CUL5: variants seen among roughly 807,000 people sequenced by gnomAD.
CUL5 encodes cullin-5.
CUL5 carries 26 observed loss-of-function variants against 108.8 expected under a neutral mutation model. That is an observed-to-expected ratio of 0.24 (90% confidence interval 0.18 to 0.33). The LOEUF (loss-of-function observed/expected upper bound fraction) is 0.33, where lower values mean the gene tolerates loss of function less well. CUL5 is among the 10% of genes least tolerant of loss of function. The probability of loss-of-function intolerance (pLI) is 1.00; values close to 1 mark genes in which losing one functional copy is unlikely to be tolerated. For missense variants in CUL5, 524 were observed against 909.2 expected, an observed-to-expected ratio of 0.58 and a Z score of 5.45; for synonymous variants, 334 against 298.0, an observed-to-expected ratio of 1.12 and a Z score of -1.25.
intron 7 of CUL5, among the ~76,000 whole-genome samples, chr11:108,061,700 G>T (rs1416487872): frequency 6.6e-6 from 1 of 151,742 alleles, no homozygotes; most frequent in African/African-American, 2.4e-5. Flanking sequence ...AATTTATGAT[G>T]TTGCTCATTT....
At chr11:108,068,364 A>G (rs1411283019) in intron 7 of CUL5, among the ~76,000 whole-genome samples, 1 of 151,736 alleles carries the variant, frequency 6.6e-6, no homozygotes, top group Non-Finnish European at 1.5e-5. Context: ...TGTCGCCCAG[A>G]CTACACTGCA....
At position 108,094,339 on chromosome 11, in the gene CUL5, TATATC is replaced by T. The variant is rs973503042; in HGVS notation, c.1444-50_1444-46del. The T allele has an allele frequency of 3.7e-6, 5 of 1,342,096 alleles. No individual in the cohort carries two copies. The South Asian group carries it at 7.2e-5, about 19-fold the overall frequency. 83.1% of individuals were successfully genotyped at this position (1,342,096 alleles called of 1,614,324 possible). A position where few individuals can be genotyped will look rare whatever the true frequency, so the allele number is the denominator to read the frequency against. On this transcript the variant is annotated intron_variant, in intron 13 of 18. Transcript: ENST00000393094. ...TTTCTATTAAAATTTTTCCCAGTAA[TATATC>T]AGATTATGTATTTATTACCTCTTCC...
intron 7 of CUL5, among the ~76,000 whole-genome samples, chr11:108,059,661 G>T (rs1207477763): frequency 1.3e-5 from 2 of 152,080 alleles, no homozygotes; most frequent in African/African-American, 4.8e-5. Flanking sequence ...GGTGGATCAT[G>T]AGGTCAGGAG....
chr11:108,096,720 C>A (rs1167494140), intron 16 of CUL5, among the ~76,000 whole-genome samples: 1 of 151,740 alleles, frequency 6.6e-6, no homozygotes, highest in Non-Finnish European at 1.5e-5. Context: ...GCATGTGCCA[C>A]CACACTCAGC....
chr11:108,079,347 C>T (rs186233598), intron 11 of CUL5, among the ~76,000 whole-genome samples: 2,354 of 152,230 alleles, frequency 0.015, 58 homozygotes, highest in African/African-American at 0.054. Flanking sequence ...CTCAAGTGAT[C>T]CGCCCACCTC....
intron 18 of CUL5, among the ~76,000 whole-genome samples, chr11:108,101,310 CAG>C (rs1476187823): frequency 6.6e-6 from 1 of 152,212 alleles, no homozygotes; most frequent in African/African-American, 2.4e-5. Flanking sequence ...GCAGTTATGA[CAG>C]TGTCCTGGAT....
chr11:108,044,190 G>C (rs116018089), intron 2 of CUL5, among the ~76,000 whole-genome samples: 2,383 of 152,160 alleles, frequency 0.016, 60 homozygotes, highest in African/African-American at 0.055. Context: ...TTAATATGGA[G>C]ACAAAACTTT....
At chr11:108,079,356 T>G (rs890460410) in intron 11 of CUL5, among the ~76,000 whole-genome samples, 13 of 152,212 alleles carry the variant, frequency 8.5e-5, no homozygotes, top group African/African-American at 3.1e-4. Flanking sequence ...TCCGCCCACC[T>G]CAGCCTCCCA....
chr11:108,052,806 G>A lies in CUL5; in HGVS notation c.553+5G>A, dbSNP rs1344939508. 9 of 1,598,852 alleles carry A rather than the reference G, an allele frequency of 5.6e-6. No individual in the cohort carries two copies. Among genetic ancestry groups the A allele is most frequent in the Non-Finnish European group, 7.7e-6 (9 of 1,173,940 alleles). ...TTGGAGTAAGAGAATCCTATGGTAT[G>A]TTCTGAACTTTTATGATCATAATTT... On this transcript the variant is annotated splice_donor_5th_base_variant and intron_variant, in intron 5 of 18. Transcript: ENST00000393094.
intron 2 of CUL5, among the ~76,000 whole-genome samples, chr11:108,040,239 G>A (rs999899746): frequency 6.6e-6 from 1 of 152,184 alleles, no homozygotes; most frequent in African/African-American, 2.4e-5. Flanking sequence ...CAACACTTTG[G>A]GAGGCCGAGG....
At chr11:108,092,029 C>G (rs956734101) in intron 13 of CUL5, among the ~76,000 whole-genome samples, 2 of 152,170 alleles carry the variant, frequency 1.3e-5, no homozygotes, top group East Asian at 1.9e-4. Flanking sequence ...TCTAGCTACT[C>G]AGGAGGCTGA....
chr11:108,078,151 T>A (rs753709657), intron 10 of CUL5, 25 bp from the exon 11 acceptor site: 2 of 1,343,570 alleles, frequency 1.5e-6, no homozygotes, highest in East Asian at 4.8e-5. Flanking sequence ...ATTAAAAATA[T>A]TTTATTCCAA....
chr11:108,012,497 A>G (rs1591267805), intron 1 of CUL5, among the ~76,000 whole-genome samples: 1 of 137,126 alleles, frequency 7.3e-6, no homozygotes, highest in Admixed American at 7.4e-5. Flanking sequence ...TCTTCCCCCC[A>G]GGACTTGGTG....
intron 11 of CUL5, among the ~76,000 whole-genome samples, chr11:108,088,047 G>GAT (rs1477143220): frequency 1.4e-5 from 2 of 147,656 alleles, no homozygotes; most frequent in African/African-American, 2.5e-5. Context: ...TTCATTTATA[G>GAT]TTTTTTTTTT....
At chr11:108,071,316 G>A (rs1863814009) in intron 8 of CUL5, among the ~76,000 whole-genome samples, 1 of 151,924 alleles carries the variant, frequency 6.6e-6, no homozygotes, top group African/African-American at 2.4e-5. Flanking sequence ...CCTGGAATTC[G>A]ATGGCACGAT....
chr11:108,018,442 G>A (rs1431869784), intron 1 of CUL5, among the ~76,000 whole-genome samples: 3 of 152,034 alleles, frequency 2.0e-5, no homozygotes, highest in African/African-American at 2.4e-5. Flanking sequence ...TGAGGCAGGC[G>A]GATCATGTGA....
chr11:108,026,553 C>T (rs900567899), intron 1 of CUL5, among the ~76,000 whole-genome samples: 1 of 152,138 alleles, frequency 6.6e-6, no homozygotes, highest in Non-Finnish European at 1.5e-5. Context: ...TCACTTCCTC[C>T]ACATATGCGC....
intron 5 of CUL5, 67 bp from the exon 6 acceptor site, chr11:108,054,580 C>T (rs1863325487): frequency 2.6e-6 from 3 of 1,133,000 alleles, no homozygotes; most frequent in African/African-American, 1.6e-5. Context: ...ATATTTATTT[C>T]ATTTATTATA....
chr11:108,060,244 T>C (rs556932930), intron 7 of CUL5, among the ~76,000 whole-genome samples: 322 of 152,222 alleles, frequency 2.1e-3, no homozygotes, highest in African/African-American at 7.2e-3. Flanking sequence ...TCCAGACTTT[T>C]GTAGTGCCAC....
Sources: gnomAD v4.1 joint callset for allele counts (sites outside exome capture counted in the v4.1 genomes callset) on GRCh38, gnomAD v4.1.1 for gene constraint, MANE v1.5 for transcripts, NCBI Gene and HGNC (gene_info 2026-07-23, HGNC 2026-07-21) for gene names.